The following WWOX variants were observed in gnomAD, a reference collection of about 807,000 sequenced individuals.
WWOX encodes WW domain-containing oxidoreductase.
Under a neutral mutation model 46.2 loss-of-function variants are expected in WWOX, and 69 were observed. The ratio of observed to expected loss-of-function variants is 1.49; its 90% CI spans 1.23 to 1.82. The LOEUF is 1.82. Among genes scored for constraint, WWOX ranks in the 40% most tolerant of loss-of-function variants. The probability of loss-of-function intolerance (pLI) is 0.00; values close to 1 mark genes in which losing one functional copy is unlikely to be tolerated. For missense variants in WWOX, 919 were observed against 542.6 expected, an observed-to-expected ratio of 1.69 and a Z score of -6.89; for synonymous variants, 359 against 202.6, an observed-to-expected ratio of 1.77 and a Z score of -6.56.
intron 8 of WWOX, among the ~76,000 whole-genome samples, chr16:78,603,626 G>C (rs2045676610): frequency 6.6e-6 from 1 of 152,124 alleles, no homozygotes; most frequent in East Asian, 1.9e-4. Context: ...CCCAGGAGGA[G>C]GAGGTTGCAG....
chr16:79,038,073 T>G (rs1026186360), intron 8 of WWOX, among the ~76,000 whole-genome samples: 4 of 152,150 alleles, frequency 2.6e-5, no homozygotes, highest in Non-Finnish European at 5.9e-5. Flanking sequence ...GCTTCCCTCC[T>G]CAACAATTAA....
At chr16:78,787,340 C>T (rs2050482585) in intron 8 of WWOX, among the ~76,000 whole-genome samples, 1 of 152,182 alleles carries the variant, frequency 6.6e-6, no homozygotes, top group African/African-American at 2.4e-5. Flanking sequence ...CTCCTTCCCC[C>T]AGCCCCTCAT....
chr16:78,400,238 T>C (rs1351946395), intron 6 of WWOX, among the ~76,000 whole-genome samples: 1 of 152,112 alleles, frequency 6.6e-6, no homozygotes, highest in African/African-American at 2.4e-5. Flanking sequence ...GAGGAAAAGG[T>C]CTCTGTTTGT....
At chr16:79,134,772 G>A (rs532923393) in intron 8 of WWOX, among the ~76,000 whole-genome samples, 16 of 152,302 alleles carry the variant, frequency 1.1e-4, no homozygotes, top group African/African-American at 3.4e-4. Context: ...AGGGGATTTA[G>A]AAATCCACCC....
At chr16:79,022,344 C>CGA (rs757335671) in intron 8 of WWOX, among the ~76,000 whole-genome samples, 59 of 71,220 alleles carry the variant, frequency 8.3e-4, no homozygotes, top group African/African-American at 2.9e-3. Flanking sequence ...CAATCTGTGG[C>CGA]AAAAAAAAAA....
chr16:78,947,059 C>CTT (rs5818193), intron 8 of WWOX, among the ~76,000 whole-genome samples: 31 of 148,650 alleles, frequency 2.1e-4, no homozygotes, highest in Admixed American at 1.4e-3. Flanking sequence ...AAGAAAGTTT[C>CTT]TTTTTTTAAA....
chr16:78,728,670 G>T (rs993006622), intron 8 of WWOX, among the ~76,000 whole-genome samples: 2 of 152,194 alleles, frequency 1.3e-5, no homozygotes, highest in Non-Finnish European at 2.9e-5. Flanking sequence ...TCCCTTGACT[G>T]CACTTTGACA....
chr16:78,469,771 T>C, intron 8 of WWOX, among the ~76,000 whole-genome samples: 1 of 152,198 alleles, frequency 6.6e-6, no homozygotes, highest in South Asian at 2.1e-4. Context: ...TTTTCCCTGT[T>C]TCCCTAAGAA....
At chr16:78,474,604 A>C (rs931783847) in intron 8 of WWOX, among the ~76,000 whole-genome samples, 1 of 152,212 alleles carries the variant, frequency 6.6e-6, no homozygotes, top group East Asian at 1.9e-4. Flanking sequence ...TTTACATGCT[A>C]TACAATTCAT....
At chr16:79,130,132 G>C (rs1405793672) in intron 8 of WWOX, among the ~76,000 whole-genome samples, 1 of 152,108 alleles carries the variant, frequency 6.6e-6, no homozygotes, top group Middle Eastern at 3.2e-3. Context: ...TAATAGAAAG[G>C]GAATTTGCCC....
intron 8 of WWOX, among the ~76,000 whole-genome samples, chr16:78,657,647 C>T (rs1053583626): frequency 6.6e-6 from 1 of 152,124 alleles, no homozygotes; most frequent in East Asian, 1.9e-4. Context: ...TTTTAGTCCC[C>T]TCTTGAATTT....
At chr16:78,668,998 G>C (rs1464712506) in intron 8 of WWOX, among the ~76,000 whole-genome samples, 1 of 152,190 alleles carries the variant, frequency 6.6e-6, no homozygotes, top group Non-Finnish European at 1.5e-5. Context: ...TAAAAGAGTA[G>C]TTTTGAGGTT....
intron 8 of WWOX, chr16:78,551,425 G>C (rs1355894367): frequency 6.6e-6 from 1 of 152,186 alleles, no homozygotes; most frequent in East Asian, 1.9e-4. Context: ...GGAAATGGGA[G>C]AATATTGCCC....
chr16:79,011,459 T>TTTTATTTATTTA (rs56691445), intron 8 of WWOX, among the ~76,000 whole-genome samples: 421 of 132,012 alleles, frequency 3.2e-3, no homozygotes, highest in East Asian at 3.7e-3. Flanking sequence ...TTATTTTTTA[T>TTTTATTTATTTA]TTTATTTATT....
intron 8 of WWOX, among the ~76,000 whole-genome samples, chr16:78,887,134 GTA>G (rs1197888826): frequency 7.4e-6 from 1 of 134,880 alleles, no homozygotes; most frequent in African/African-American, 2.8e-5. Context: ...GTGTGTGTGT[GTA>G]TACCTAGTCT....
rs565559402 is a variant in WWOX, at chr16:79,141,928, C to G, written c.1057-69680C>G. ...AAGCAGTGTCCGTTAGTATGACTCT[C>G]CAGTGCTTCTTGGCTATTGTGATAA... On this transcript the variant is annotated intron_variant, in intron 8 of 8. Transcript: ENST00000566780. Among the ~76,000 whole-genome samples the G allele has an allele frequency of 5.3e-5, 8 of 152,110 alleles. No homozygotes were observed. The South Asian group carries it at 1.2e-3, about 24-fold the overall frequency.
chr16:78,830,087 G>A (rs377033020), intron 8 of WWOX, among the ~76,000 whole-genome samples: 110 of 151,940 alleles, frequency 7.2e-4, no homozygotes, highest in African/African-American at 2.6e-3. Context: ...GTAACATAGG[G>A]AGACCCTCAT....
intron 5 of WWOX, among the ~76,000 whole-genome samples, chr16:78,301,795 A>T (rs926371350): frequency 1.3e-5 from 2 of 152,152 alleles, no homozygotes; most frequent in African/African-American, 4.8e-5. Flanking sequence ...ACACACCGCC[A>T]GGCCTCAGGA....
intron 5 of WWOX, among the ~76,000 whole-genome samples, chr16:78,175,033 A>AATAATAAG (rs1251581273): frequency 7.9e-6 from 1 of 126,844 alleles, no homozygotes; most frequent in Admixed American, 7.6e-5. Context: ...TAATAATAAG[A>AATAATAAG]ATCTGACTAA....
Sources: gnomAD v4.1 joint callset for allele counts (sites outside exome capture counted in the v4.1 genomes callset) on GRCh38, gnomAD v4.1.1 for gene constraint, MANE v1.5 for transcripts, NCBI Gene and HGNC (gene_info 2026-07-23, HGNC 2026-07-21) for gene names.